The following FBXL5 variants were observed in gnomAD, a reference collection of about 807,000 sequenced individuals.
FBXL5 encodes F-box/LRR-repeat protein 5.
Under a neutral mutation model 78.3 loss-of-function variants are expected in FBXL5, and 26 were observed. That is an observed-to-expected ratio of 0.33 (90% confidence interval 0.24 to 0.46). FBXL5 has a LOEUF of 0.46. FBXL5 is among the 20% of genes least tolerant of loss of function. The pLI, the probability that FBXL5 is intolerant of heterozygous loss-of-function variation, is 1.00. For missense variants in FBXL5, 710 were observed against 829.2 expected, an observed-to-expected ratio of 0.86 and a Z score of 1.77; for synonymous variants, 295 against 282.5, an observed-to-expected ratio of 1.04 and a Z score of -0.45.
intron 1 of FBXL5, among the ~76,000 whole-genome samples, chr4:15,648,165 T>C (rs962714683): frequency 1.3e-5 from 2 of 152,232 alleles, no homozygotes; most frequent in African/African-American, 4.8e-5. Context: ...CTACCTGTGA[T>C]AATTTAATAA....
upstream of FBXL5, among the ~76,000 whole-genome samples, chr4:15,663,970 G>GCATGAA (rs1483506791): frequency 6.6e-6 from 1 of 152,154 alleles, no homozygotes; most frequent in Non-Finnish European, 1.5e-5. Context: ...CAGAATGACT[G>GCATGAA]CATGAATTGT....
At chr4:15,659,123 T>A (rs1717176969), upstream of FBXL5, among the ~76,000 whole-genome samples, 1 of 152,192 alleles carries the variant, frequency 6.6e-6, no homozygotes, top group South Asian at 2.1e-4. Context: ...AAGAATGTCA[T>A]AAATGGAAGG....
intron 1 of FBXL5, among the ~76,000 whole-genome samples, chr4:15,652,747 T>C (rs187001773): frequency 3.3e-5 from 5 of 152,314 alleles, no homozygotes; most frequent in Non-Finnish European, 7.4e-5. Context: ...CTTGAGAAGT[T>C]CAATATTGAA....
At chr4:15,636,237 T>C (rs1714249525) in intron 5 of FBXL5, 2 of 331,124 alleles carry the variant, frequency 6.0e-6, no homozygotes, top group Admixed American at 4.4e-5. Flanking sequence ...TAATTATCAA[T>C]TTTGTCAATC....
intron 9 of FBXL5, among the ~76,000 whole-genome samples, chr4:15,615,150 G>A (rs1019323144): frequency 2.0e-5 from 3 of 152,126 alleles, no homozygotes; most frequent in Non-Finnish European, 4.4e-5. Context: ...CTGCCTTCCT[G>A]CGGGGCAGGG....
chr4:15,661,505 C>G (rs1717304513), upstream of FBXL5, among the ~76,000 whole-genome samples: 1 of 152,054 alleles, frequency 6.6e-6, no homozygotes, highest in Non-Finnish European at 1.5e-5. Flanking sequence ...GTTTGGGAAC[C>G]TTAGGAATAG....
At chr4:15,619,641 A>G (rs567958479) in intron 9 of FBXL5, among the ~76,000 whole-genome samples, 1 of 152,302 alleles carries the variant, frequency 6.6e-6, no homozygotes, top group South Asian at 2.1e-4. Flanking sequence ...TCACAGTACT[A>G]GAAGTTTTAG....
At chr4:15,681,316 G>C (rs944447031) in intron 1 of FBXL5, 1 of 156,980 alleles carries the variant, frequency 6.4e-6, no homozygotes, top group African/African-American at 2.4e-5. Context: ...GCCCCGCCAG[G>C]TCGGGGCTGG....
intron 9 of FBXL5, among the ~76,000 whole-genome samples, chr4:15,622,536 A>G (rs747355727): frequency 2.0e-5 from 3 of 152,154 alleles, no homozygotes; most frequent in Admixed American, 6.6e-5. Flanking sequence ...ATGAAGTGGC[A>G]TTCTCTGTAT....
At chr4:15,628,772 G>GACACAC (rs1553850273) in intron 6 of FBXL5, among the ~76,000 whole-genome samples, 57,697 of 140,206 alleles carry the variant, frequency 0.41, 11,039 homozygotes, top group South Asian at 0.47. Context: ...GCCAGACACA[G>GACACAC]ACACACACAC....
intron 1 of FBXL5, among the ~76,000 whole-genome samples, chr4:15,674,306 C>T (rs748096123): frequency 2.6e-5 from 4 of 151,102 alleles, no homozygotes; most frequent in East Asian, 1.9e-4. Context: ...AATGTAGTAC[C>T]GCTATTGGTA....
chr4:15,647,222 C>CAAAAAA (rs112736448), intron 1 of FBXL5, among the ~76,000 whole-genome samples: 55 of 36,354 alleles, frequency 1.5e-3, no homozygotes, highest in African/African-American at 2.2e-3. Context: ...GACTCCATCT[C>CAAAAAA]AAAAAAAAAA....
chr4:15,617,226 A>C (rs10003929), intron 9 of FBXL5, among the ~76,000 whole-genome samples: 146,095 of 152,290 alleles, frequency 0.96, 70,351 homozygotes, highest in East Asian at 1. Context: ...AAATACCCAT[A>C]AGTCATAGAA....
chr4:15,631,859 T>C (rs1030174410), intron 5 of FBXL5, among the ~76,000 whole-genome samples: 12 of 152,204 alleles, frequency 7.9e-5, no homozygotes, highest in African/African-American at 2.7e-4. Flanking sequence ...TCTCTCATTC[T>C]GTAGGTTGCC....
At position 15,628,034 on chromosome 4, in the gene FBXL5, C is replaced by A; in HGVS notation, c.893-1G>T. 1 of 1,612,842 alleles carries A rather than the reference C, an allele frequency of 6.2e-7. No homozygotes were observed. Among genetic ancestry groups the A allele is most frequent in the Non-Finnish European group, 8.5e-7 (1 of 1,179,604 alleles). On this transcript the variant is annotated splice_acceptor_variant, in intron 6 of 10. Transcript: ENST00000341285. LOFTEE classifies it high-confidence loss of function. ...GCAATTGATTCCTCCGCAGACTCTT[C>A]TGTAAAATGAATTCAAAAGTCCAAG...
chr4:15,626,457 T>C (rs180929609), intron 8 of FBXL5, among the ~76,000 whole-genome samples: 11 of 152,116 alleles, frequency 7.2e-5, no homozygotes, highest in South Asian at 4.2e-4. Context: ...ATACAGAGAA[T>C]TGGTGGTCAA....
intron 1 of FBXL5, among the ~76,000 whole-genome samples, chr4:15,675,437 G>A (rs983635751): frequency 6.6e-6 from 1 of 152,090 alleles, no homozygotes; most frequent in East Asian, 1.9e-4. Context: ...CAGCCTTCAG[G>A]CTTAGATCCT....
chr4:15,631,765 GTT>G (rs71179643), intron 5 of FBXL5, among the ~76,000 whole-genome samples: 1 of 151,092 alleles, frequency 6.6e-6, no homozygotes. Flanking sequence ...TGATGGGGTT[GTT>G]TTTTTTTCTT....
intron 1 of FBXL5, among the ~76,000 whole-genome samples, chr4:15,665,757 G>T (rs963550792): frequency 6.6e-6 from 1 of 152,092 alleles, no homozygotes; most frequent in South Asian, 2.1e-4. Context: ...CTGGCCCCCA[G>T]TCCAAAATTC....
Sources: allele counts gnomAD v4.1 joint callset (sites outside exome capture counted in the v4.1 genomes callset), GRCh38; gene constraint gnomAD v4.1.1; transcripts MANE v1.5; gene names NCBI Gene and HGNC (gene_info 2026-07-23, HGNC 2026-07-21).